The following SYNC variants were observed in gnomAD, a reference collection of about 807,000 sequenced individuals.
SYNC encodes the protein syncoilin, intermediate filament protein.
Under a neutral mutation model 49.5 loss-of-function variants are expected in SYNC, and 38 were observed. That is an observed-to-expected ratio of 0.77 (90% CI 0.59 to 1.01). The LOEUF (loss-of-function observed/expected upper bound fraction) is 1.01. Among genes scored for constraint, SYNC ranks in the 50% least tolerant of loss-of-function variants. The pLI is 0.00. For synonymous variants in SYNC, 201 were observed against 230.8 expected, an observed-to-expected ratio of 0.87 and a Z score of 1.17; for missense variants, 579 against 580.6, an observed-to-expected ratio of 1.00 and a Z score of 0.03.
In SYNC at chr1:32,681,803, T is replaced by A; in HGVS notation, c.*47A>T. 6.2e-7 allele frequency: 1 copy of A among 1,614,188 alleles called. No homozygotes were observed. The highest frequency in any genetic ancestry group is 8.5e-7 in the Non-Finnish European group (1 of 1,180,008). On this transcript the variant is annotated 3_prime_UTR_variant, in exon 5 of 5. Transcript: ENST00000409190. ...CAAAGGGTACTTAGTGATCCTTTGC[T>A]AAGAAGTTTTTTGCTGTTTCCGGGT...
chr1:32,692,151 G>T, intron 2 of SYNC, among the ~76,000 whole-genome samples: 1 of 152,016 alleles, frequency 6.6e-6, no homozygotes, highest in East Asian at 1.9e-4. Flanking sequence ...ACAATGGCGC[G>T]AACCCGGGAG....
At chr1:32,684,541 TTG>T (rs1261831889) in intron 2 of SYNC, 159 bp from the exon 3 acceptor site, 38 of 1,094,892 alleles carry the variant, frequency 3.5e-5, no homozygotes, top group Non-Finnish European at 4.7e-5. Flanking sequence ...TTCAAAGAAG[TTG>T]TGTCTTGGAA....
At chr1:32,703,482 AGT>A, upstream of SYNC, 1 of 152,424 alleles carries the variant, frequency 6.6e-6, no homozygotes, top group East Asian at 1.9e-4. Flanking sequence ...TCAGCCCACT[AGT>A]GTGAGGGTCA....
At chr1:32,694,273 C>T (rs1257883863) in intron 2 of SYNC, among the ~76,000 whole-genome samples, 5 of 151,148 alleles carry the variant, frequency 3.3e-5, no homozygotes, top group South Asian at 2.1e-4. Flanking sequence ...GTGGGAGGAT[C>T]GCTTGAACCT....
At chr1:32,681,949 A>AT in intron 4 of SYNC, 89 bp from the exon 5 acceptor site, 1 of 1,204,066 alleles carries the variant, frequency 8.3e-7, no homozygotes, top group Non-Finnish European at 1.2e-6. Context: ...TTACAGTGTG[A>AT]TTTATGGATG....
intron 2 of SYNC, among the ~76,000 whole-genome samples, chr1:32,686,996 A>G (rs930671625): frequency 6.6e-5 from 10 of 152,192 alleles, no homozygotes; most frequent in African/African-American, 1.7e-4. Context: ...CATTCTATGT[A>G]AAATTATCTG....
At chr1:32,683,803 T>C in intron 4 of SYNC, 1 of 539,028 alleles carries the variant, frequency 1.9e-6, no homozygotes, top group East Asian at 3.4e-5. Context: ...CGGCTAATTT[T>C]TGTATTTTTA....
intron 4 of SYNC, 95 bp from the exon 5 acceptor site, chr1:32,681,955 G>A: frequency 1.8e-6 from 2 of 1,081,810 alleles, no homozygotes; most frequent in South Asian, 1.3e-5. Context: ...TGTGATTTAT[G>A]GATGATCAGG....
chr1:32,693,546 TTAAAG>T (rs1175759063), intron 2 of SYNC, among the ~76,000 whole-genome samples: 1 of 152,206 alleles, frequency 6.6e-6, no homozygotes, highest in African/African-American at 2.4e-5. Context: ...TTTCAAAAGA[TTAAAG>T]TACTGCTTAG....
In SYNC at chr1:32,680,788, C is replaced by T. The variant is rs1211156022; in HGVS notation, c.*1062G>A. The T allele has an allele frequency of 2.9e-5, 13 of 447,924 alleles. No homozygotes were observed. Among genetic ancestry groups the T allele is most frequent in the Non-Finnish European group, 4.8e-5 (12 of 248,830 alleles). 27.7% of individuals were successfully genotyped at this position (447,924 alleles called of 1,614,324 possible). ...AGAGCAGAATTAAATGTAATAGTCCCAGAGCTGTAGAAAAGAACTTTACTC... is the reference window on the plus strand; with the variant it reads ...AGAGCAGAATTAAATGTAATAGTCCTAGAGCTGTAGAAAAGAACTTTACTC... On this transcript the variant is annotated 3_prime_UTR_variant, in exon 5 of 5. Transcript: ENST00000409190.
intron 1 of SYNC, among the ~76,000 whole-genome samples, chr1:32,697,863 ATTT>A (rs936036572): frequency 1.3e-5 from 2 of 151,226 alleles, no homozygotes; most frequent in African/African-American, 4.9e-5. Flanking sequence ...TCTTTTGAGG[ATTT>A]TTTTTTAATT....
At chr1:32,685,663 A>G (rs1003152374) in intron 2 of SYNC, 4 of 152,366 alleles carry the variant, frequency 2.6e-5, no homozygotes, top group Non-Finnish European at 4.4e-5. Flanking sequence ...AGAGTGTGTC[A>G]TCTGAAGAGG....
Position 32,695,132 on chromosome 1 carries a change from C to T in SYNC, c.966G>A (p.Arg322=). ...QRDGHFLQES[R]RLSAQFENLM... ...GATTTTCAAACTGGGCAGAGAGTCG[C>T]CGGCTTTCCTGGAGAAAGTGCCCAT... The change falls in exon 2 of 5, where the codon CGG becomes CGA. Residue 322 remains arginine, a synonymous_variant. Transcript: ENST00000409190. 1 of 1,609,900 alleles carries T rather than the reference C, an allele frequency of 6.2e-7. No homozygotes were observed. The highest frequency in any genetic ancestry group is 2.2e-5 in the East Asian group (1 of 44,738).
At position 32,702,706 on chromosome 1, in the gene SYNC, CCGCGGGCCCCTCGCTCCGGCGCCCGCG is replaced by C; in HGVS notation, c.-73_-47del. On this transcript the variant is annotated 5_prime_UTR_variant, in exon 1 of 5. Coordinates refer to ENST00000409190, the MANE Select transcript of SYNC (RefSeq NM_030786.3). The surrounding 1 kb of genome is among the most constrained non-coding windows in gnomAD (Gnocchi z 6.2). ...GCGGCCGCGTTATTAATAGCCGGGC[CCGCGGGCCCCTCGCTCCGGCGCCCGCG>C]CCCGCCGCACTGCCAGCTGCAACCG... 2 of 1,134,310 alleles carry C rather than the reference CCGCGGGCCCCTCGCTCCGGCGCCCGCG, an allele frequency of 1.8e-6. No individual in the cohort carries two copies. The highest frequency in any genetic ancestry group is 9.1e-5 in the East Asian group (2 of 21,966). 70.3% of individuals were successfully genotyped at this position (1,134,310 alleles called of 1,614,324 possible).
At position 32,680,369 on chromosome 1, in the gene SYNC, T is replaced by C; in HGVS notation, c.*1481A>G. On this transcript the variant is annotated 3_prime_UTR_variant, in exon 5 of 5. Transcript: ENST00000409190. ...TTTTTTGTTGTTGGTTTTTTTTTTT[T>C]TTTTTTTAACTTGGGACCACCAAGT... The C allele has an allele frequency of 8.8e-7, 1 of 1,133,670 alleles. No individual in the cohort carries two copies. Among genetic ancestry groups the C allele is most frequent in the Middle Eastern group, 3.7e-4 (1 of 2,690 alleles). The allele number at this position is 1,133,670 out of a possible 1,614,324, so 70.2% of individuals were successfully genotyped here.
At chr1:32,700,839 C>G (rs895196793) in intron 1 of SYNC, among the ~76,000 whole-genome samples, 6 of 152,112 alleles carry the variant, frequency 3.9e-5, no homozygotes, top group Non-Finnish European at 7.4e-5. Flanking sequence ...GTATTTACCA[C>G]CCTCCTAGGA....
intron 2 of SYNC, among the ~76,000 whole-genome samples, chr1:32,687,861 A>ATTAATTT (rs1280120903): frequency 4.8e-4 from 71 of 146,448 alleles, no homozygotes; most frequent in African/African-American, 1.7e-3. Flanking sequence ...TATTATTATT[A>ATTAATTT]TTTTTTGAGA....
At chr1:32,701,471 G>A (rs902582996) in intron 1 of SYNC, among the ~76,000 whole-genome samples, 5 of 152,144 alleles carry the variant, frequency 3.3e-5, no homozygotes, top group African/African-American at 1.2e-4. Context: ...GGGCAGACAG[G>A]CAGAAACCAG....
At chr1:32,691,192 TGGGTGACA>T (rs1650144706) in intron 2 of SYNC, among the ~76,000 whole-genome samples, 1 of 146,754 alleles carries the variant, frequency 6.8e-6, no homozygotes, top group African/African-American at 2.5e-5. Context: ...CACTCCAGCC[TGGGTGACA>T]GAGCGAGACT....
Sources: gnomAD v4.1 joint callset for allele counts (sites outside exome capture counted in the v4.1 genomes callset) on GRCh38, gnomAD v4.1.1 for gene constraint, Gnocchi (gnomAD v3.1) non-coding constraint, MANE v1.5 for transcripts, NCBI Gene and HGNC (gene_info 2026-07-23, HGNC 2026-07-21) for gene names.